The following SEC22C variants were observed in gnomAD, a reference collection of about 807,000 sequenced individuals.
SEC22C encodes the protein SEC22 homolog C, vesicle trafficking protein.
In SEC22C, 29 loss-of-function variants were observed where a neutral mutation model predicts 34.7. The observed-to-expected ratio is 0.84, with a 90% confidence interval of 0.62 to 1.14. The LOEUF (loss-of-function observed/expected upper bound fraction) is 1.14. SEC22C is among the 50% of genes most tolerant of loss of function. SEC22C has a pLI of 0.00. For synonymous variants in SEC22C, 117 were observed against 132.8 expected (o/e 0.88, Z 0.82); for missense variants, 337 against 369.0 (o/e 0.91, Z 0.71).
intron 1 of SEC22C, among the ~76,000 whole-genome samples, chr3:42,590,067 G>T (rs1163491627): frequency 1.3e-5 from 2 of 152,106 alleles, no homozygotes; most frequent in Non-Finnish European, 2.9e-5. Flanking sequence ...TCTGTAAAAT[G>T]GAGAAAATAC....
Position 42,548,274 on chromosome 3 carries a change from C to T in SEC22C, c.*4974G>A. Reference sequence around the variant, plus strand: ...AAAGCCCATTAAACAAAATAGAATCCTGGGGGATCAAATCATATGAATGAT... The same window carrying T: ...AAAGCCCATTAAACAAAATAGAATCTTGGGGGATCAAATCATATGAATGAT... On this transcript the variant is annotated 3_prime_UTR_variant, in exon 7 of 7. Coordinates refer to ENST00000264454, the MANE Select transcript of SEC22C (RefSeq NM_032970.4). 1 of 254,670 alleles carries T rather than the reference C, an allele frequency of 3.9e-6. No homozygotes were observed. Among genetic ancestry groups the T allele is most frequent in the Non-Finnish European group, 7.5e-6 (1 of 133,382 alleles). 15.8% of individuals were successfully genotyped at this position (254,670 alleles called of 1,614,324 possible). A position where few individuals can be genotyped will look rare whatever the true frequency, so the allele number is the denominator to read the frequency against.
At chr3:42,562,092 T>C (rs975626137) in intron 3 of SEC22C, among the ~76,000 whole-genome samples, 1 of 152,240 alleles carries the variant, frequency 6.6e-6, no homozygotes, top group Non-Finnish European at 1.5e-5. Context: ...CTTAAATTTA[T>C]GTTAGTATAA....
intron 1 of SEC22C, chr3:42,580,555 A>G (rs1245752038): frequency 6.6e-6 from 1 of 152,328 alleles, no homozygotes; most frequent in East Asian, 1.9e-4. Context: ...GTCATTTGTT[A>G]GGAACTAAGA....
intron 3 of SEC22C, among the ~76,000 whole-genome samples, chr3:42,562,565 T>C (rs747456621): frequency 1.4e-4 from 22 of 151,928 alleles, no homozygotes; most frequent in Non-Finnish European, 2.9e-4. Flanking sequence ...ATGGCAGGAG[T>C]AGCCAGAAAG....
chr3:42,557,150 T>C (rs1702579354), intron 5 of SEC22C, among the ~76,000 whole-genome samples: 1 of 152,238 alleles, frequency 6.6e-6, no homozygotes, highest in Admixed American at 6.5e-5. Context: ...CATATAATTC[T>C]TCGACAAAGA....
Position 42,575,751 on chromosome 3 carries a change from T to C in SEC22C, c.-28+6095A>G, listed in dbSNP as rs568384603. Among the ~76,000 whole-genome samples the C allele has an allele frequency of 2.6e-4, 40 of 152,236 alleles. 1 individual carries two copies. In the South Asian group the frequency reaches 8.1e-3, roughly 31 times the overall value. On this transcript the variant is annotated intron_variant, in intron 1 of 6. Coordinates refer to ENST00000264454, the MANE Select transcript of SEC22C (RefSeq NM_032970.4). ...ATCAGCAAAGATTTACAAAAAGAAC[T>C]AGAAAACACTATCAACTAAAGGATA...
At chr3:42,594,281 G>T in intron 1 of SEC22C, 3 of 641,150 alleles carry the variant, frequency 4.7e-6, no homozygotes. Context: ...CCTTAAATAT[G>T]TTAAACAAGA....
chr3:42,576,880 A>C (rs950001250), intron 1 of SEC22C, among the ~76,000 whole-genome samples: 2 of 152,198 alleles, frequency 1.3e-5, no homozygotes, highest in African/African-American at 4.8e-5. Flanking sequence ...TTCAAGACTT[A>C]TTATATAGCT....
intron 1 of SEC22C, among the ~76,000 whole-genome samples, chr3:42,569,897 A>G (rs1371279806): frequency 6.6e-6 from 1 of 152,196 alleles, no homozygotes; most frequent in African/African-American, 2.4e-5. Context: ...TTTTAGCCCT[A>G]TCTGTTAACA....
At chr3:42,600,803 C>T in intron 1 of SEC22C, 1 of 391,890 alleles carries the variant, frequency 2.6e-6, no homozygotes, top group Non-Finnish European at 4.6e-6. Context: ...CGCATGCGTG[C>T]GCGCTGCGTG....
intron 1 of SEC22C, chr3:42,600,899 G>A: frequency 1.2e-6 from 1 of 810,292 alleles, no homozygotes; most frequent in South Asian, 2.5e-5. Context: ...CCGTGGCGCG[G>A]ACTTCGTCTC....
At chr3:42,591,813 A>C (rs1041063974) in intron 1 of SEC22C, among the ~76,000 whole-genome samples, 6 of 152,192 alleles carry the variant, frequency 3.9e-5, no homozygotes, top group African/African-American at 1.4e-4. Context: ...CTCTTTCTTC[A>C]AAATGTGAAT....
intron 1 of SEC22C, among the ~76,000 whole-genome samples, chr3:42,589,614 G>C (rs1352795587): frequency 6.6e-6 from 1 of 152,224 alleles, no homozygotes; most frequent in Non-Finnish European, 1.5e-5. Flanking sequence ...GGGGCATTAG[G>C]ATCAGCGGGA....
chr3:42,555,953 G>C lies in SEC22C; in HGVS notation c.688C>G (p.Pro230Ala). Reference protein sequence around the residue: ...EIGNILAFLVPFVACIFQCYL... With the variant: ...EIGNILAFLVAFVACIFQCYL... ...ACCTGGAAAATGCAGGCTACGAAAGGAACAAGAAAAGCCAGAATGTTTCCA... is the reference window on the plus strand; with the variant it reads ...ACCTGGAAAATGCAGGCTACGAAAGCAACAAGAAAAGCCAGAATGTTTCCA... Residue 230 changes from proline to alanine, a missense_variant, in exon 6 of 7, where the codon CCT becomes GCT. Pro to Ala is a conservative substitution (Grantham distance 27). Transcript: ENST00000264454. The C allele has an allele frequency of 6.2e-7, 1 of 1,613,610 alleles. No homozygotes were observed.
At chr3:42,563,173 A>G (rs1361664602) in intron 3 of SEC22C, among the ~76,000 whole-genome samples, 2 of 152,246 alleles carry the variant, frequency 1.3e-5, no homozygotes, top group East Asian at 3.8e-4. Context: ...ACAACATGTA[A>G]AAGAATAAGC....
rs996757460 is a variant in SEC22C at position 42,564,045 on chromosome 3, G to T, written c.183-359C>A. On this transcript the variant is annotated intron_variant, in intron 2 of 6. Transcript: ENST00000264454. ...AGATTTCCTAATGTTAAATGATCCT[G>T]GCATCCTAAAATAAGCCCTTGTTGG... 4.7e-6 allele frequency: 4 copies of T among 856,544 alleles called. No individual in the cohort carries two copies. In the African/African-American group the frequency reaches 7.2e-5, roughly 15 times the overall value. 53.1% of individuals were successfully genotyped at this position (856,544 alleles called of 1,614,324 possible). A position where few individuals can be genotyped will look rare whatever the true frequency, so the allele number is the denominator to read the frequency against.
At chr3:42,585,549 G>A (rs1445134180), upstream of SEC22C, among the ~76,000 whole-genome samples, 1 of 152,164 alleles carries the variant, frequency 6.6e-6, no homozygotes, top group Non-Finnish European at 1.5e-5. Context: ...CCTCTACTTT[G>A]TTTTATTTAT....
chr3:42,551,099 C>T lies in SEC22C; in HGVS notation c.*2149G>A, dbSNP rs1021838839. ...AGCCAGGATGGTCTCGATCTCTTGA[C>T]CTCGTGATCTGCCCACCTCAGCTTC... On this transcript the variant is annotated 3_prime_UTR_variant, in exon 7 of 7. Transcript: ENST00000264454. 1 of 978,712 alleles carries T rather than the reference C, an allele frequency of 1.0e-6. No individual in the cohort carries two copies. Among genetic ancestry groups the T allele is most frequent in the East Asian group, 1.1e-4 (1 of 8,746 alleles). 60.6% of individuals were successfully genotyped at this position (978,712 alleles called of 1,614,324 possible).
intron 1 of SEC22C, among the ~76,000 whole-genome samples, chr3:42,592,672 T>C (rs993927897): frequency 2.0e-5 from 3 of 152,208 alleles, no homozygotes; most frequent in African/African-American, 7.2e-5. Context: ...ATTTGGTAAT[T>C]TGATTTTTAA....
Sources: allele counts gnomAD v4.1 joint callset (sites outside exome capture counted in the v4.1 genomes callset), GRCh38; gene constraint gnomAD v4.1.1; transcripts MANE v1.5; gene names NCBI Gene and HGNC (gene_info 2026-07-23, HGNC 2026-07-21).